The following ERP27 variants were observed in gnomAD, a reference collection of about 807,000 sequenced individuals.
ERP27 encodes the protein endoplasmic reticulum resident protein 27.
ERP27 carries 23 observed loss-of-function variants against 27.7 expected under a neutral mutation model. The ratio of observed to expected loss-of-function variants is 0.83; its 90% confidence interval spans 0.60 to 1.18. The LOEUF is 1.18. Ranked by LOEUF, ERP27 falls within the 50% of genes most tolerant of loss-of-function variation. The pLI is 0.00. For synonymous variants in ERP27, 159 were observed against 118.3 expected (o/e 1.34, Z -2.23); for missense variants, 363 against 327.9 (o/e 1.11, Z -0.83).
At chr12:14,923,821 T>C (rs1472894725) in intron 3 of ERP27, among the ~76,000 whole-genome samples, 2 of 152,222 alleles carry the variant, frequency 1.3e-5, no homozygotes. Flanking sequence ...GTATTTAGCA[T>C]ATCCGTTGCT....
chr12:14,915,581 G>C lies in ERP27; in HGVS notation c.682C>G (p.Leu228Val). The C allele has an allele frequency of 3.7e-6, 6 of 1,614,228 alleles. No homozygotes were observed. Among genetic ancestry groups the C allele is most frequent in the Non-Finnish European group, 5.1e-6 (6 of 1,180,032 alleles). The change falls in exon 6 of 7, where the codon CTA (leucine) becomes GTA (valine). Residue 228 changes from leucine (L) to valine (V), a missense_variant. Transcript: ENST00000266397. ...QLPALAIYQT[L>V]DDEWDTLPTA... Reference sequence around the variant, plus strand: ...GGCAGTGTATCCCACTCGTCATCTAGAGTCTGGTAAATTGCCAAAGCTGGC... The same window carrying C: ...GGCAGTGTATCCCACTCGTCATCTACAGTCTGGTAAATTGCCAAAGCTGGC...
chr12:14,930,834 G>C (rs1385627820), intron 3 of ERP27, among the ~76,000 whole-genome samples: 1 of 152,064 alleles, frequency 6.6e-6, no homozygotes, highest in Non-Finnish European at 1.5e-5. Flanking sequence ...TCTTAAAATG[G>C]AAAATTTTGT....
chr12:14,938,106 A>C, intron 1 of ERP27, 54 bp from the exon 2 acceptor site: 1 of 1,427,456 alleles, frequency 7.0e-7, no homozygotes, highest in Admixed American at 1.7e-5. Context: ...AAGCAGCTCT[A>C]AATAATGAGG....
At chr12:14,917,011 C>T (rs1863420318) in intron 5 of ERP27, among the ~76,000 whole-genome samples, 167 bp downstream of exon 5, 1 of 152,160 alleles carries the variant, frequency 6.6e-6, no homozygotes, top group African/African-American at 2.4e-5. Context: ...TGATAAAATA[C>T]AACATCTCTA....
chr12:14,925,899 C>T (rs1286457218), intron 3 of ERP27, among the ~76,000 whole-genome samples: 2 of 152,010 alleles, frequency 1.3e-5, no homozygotes, highest in African/African-American at 4.8e-5. Flanking sequence ...GAAAGCCCAT[C>T]TCTACTGAAA....
chr12:14,924,029 C>T (rs191791626), intron 3 of ERP27, among the ~76,000 whole-genome samples: 16 of 152,144 alleles, frequency 1.1e-4, no homozygotes, highest in Non-Finnish European at 1.0e-4. Flanking sequence ...TCCATCACCA[C>T]TTCCCCCTCC....
chr12:14,926,385 A>T (rs1319388645), intron 3 of ERP27, among the ~76,000 whole-genome samples: 2 of 152,184 alleles, frequency 1.3e-5, no homozygotes, highest in Non-Finnish European at 2.9e-5. Context: ...CATAGTTGCA[A>T]TTTTCAATCC....
At chr12:14,926,351 T>C (rs1863602644) in intron 3 of ERP27, among the ~76,000 whole-genome samples, 1 of 152,258 alleles carries the variant, frequency 6.6e-6, no homozygotes, top group Non-Finnish European at 1.5e-5. Context: ...TCCTGTGTTT[T>C]ACTTTTGTCA....
At chr12:14,923,804 A>C (rs1863552757) in intron 3 of ERP27, among the ~76,000 whole-genome samples, 1 of 152,184 alleles carries the variant, frequency 6.6e-6, no homozygotes, top group Admixed American at 6.5e-5. Flanking sequence ...TAAATAATCA[A>C]ATCATAGTAT....
At chr12:14,926,060 C>A (rs1375530469) in intron 3 of ERP27, among the ~76,000 whole-genome samples, 2 of 149,488 alleles carry the variant, frequency 1.3e-5, no homozygotes, top group East Asian at 3.9e-4. Context: ...CAGAGCAAGA[C>A]TCTGTCTCCA....
At chr12:14,937,883 G>GAACCA (rs1863794825) in intron 2 of ERP27, 69 bp downstream of exon 2, 2 of 1,292,890 alleles carry the variant, frequency 1.5e-6, no homozygotes, top group African/African-American at 2.9e-5. Flanking sequence ...CCAGCAGCAG[G>GAACCA]TGGCTGCTGT....
Position 14,914,647 on chromosome 12 carries a change from C to A in ERP27, c.*88G>T. ...GTGTGTGGTTGGCAGGCCTAGTGATCCTGTTGTTTAGTGTCTCTGAGATTT... is the reference window on the plus strand; with the variant it reads ...GTGTGTGGTTGGCAGGCCTAGTGATACTGTTGTTTAGTGTCTCTGAGATTT... On this transcript the variant is annotated 3_prime_UTR_variant, in exon 7 of 7. Transcript: ENST00000266397. The A allele has an allele frequency of 1.6e-6, 2 of 1,283,792 alleles. No homozygotes were observed. The highest frequency in any genetic ancestry group is 1.3e-5 in the South Asian group (1 of 77,546). The allele number at this position is 1,283,792 out of a possible 1,614,324, so 79.5% of individuals were successfully genotyped here. A position where few individuals can be genotyped will look rare whatever the true frequency, so the allele number is the denominator to read the frequency against.
chr12:14,938,345 C>A, intron 1 of ERP27, 70 bp downstream of exon 1: 2 of 1,479,158 alleles, frequency 1.4e-6, no homozygotes, highest in Admixed American at 1.7e-5. Context: ...CCCAGAGAAC[C>A]ACCATGCTCC....
chr12:14,925,377 T>C (rs184722331), intron 3 of ERP27, among the ~76,000 whole-genome samples: 16 of 152,262 alleles, frequency 1.1e-4, no homozygotes, highest in Non-Finnish European at 1.9e-4. Flanking sequence ...TAAAATCCTA[T>C]TATCTGGCCA....
chr12:14,917,769 C>G (rs1179165782), intron 4 of ERP27, among the ~76,000 whole-genome samples: 3 of 152,180 alleles, frequency 2.0e-5, no homozygotes, highest in Non-Finnish European at 4.4e-5. Flanking sequence ...TCCAGTTGAG[C>G]CTTCAGATGA....
intron 5 of ERP27, 88 bp from the exon 6 acceptor site, chr12:14,915,774 C>CTGA: frequency 8.6e-7 from 1 of 1,167,718 alleles, no homozygotes; most frequent in Non-Finnish European, 1.2e-6. Context: ...GCAGCTCACA[C>CTGA]TGATTGAATT....
At position 14,938,499 on chromosome 12, in the gene ERP27, C is replaced by T; in HGVS notation, c.10G>A (p.Ala4Thr). Residue 4 changes from alanine to threonine, a missense_variant, in exon 1 of 7, where the codon GCC (alanine) becomes ACC (threonine). Physicochemically the swap from Ala to Thr is moderately conservative, Grantham distance 58. Transcript: ENST00000266397. MEA[A>T]PSRFMFLLFL... ...AAGAGGAACATGAACCTGGACGGGG[C>T]AGCTTCCATTGTCCCTCTCCTGCTC... 6.2e-7 allele frequency: 1 copy of T among 1,611,422 alleles called. No homozygotes were observed. The highest frequency in any genetic ancestry group is 8.5e-7 in the Non-Finnish European group (1 of 1,178,786).
rs773624415 is a variant in ERP27 at position 14,917,313 on chromosome 12, C to A, written c.451-10G>T. The A allele has an allele frequency of 1.9e-6, 3 of 1,613,834 alleles. No homozygotes were observed. The highest frequency in any genetic ancestry group is 1.3e-5 in the African/African-American group (1 of 74,860). ...ATAACCCAATCACAGTCTGGCAAGT[C>A]GAAATGTGTTACAGTAGAGTGAAAG... On this transcript the variant is annotated splice_polypyrimidine_tract_variant and intron_variant, in intron 4 of 6. Coordinates refer to ENST00000266397, the MANE Select transcript of ERP27 (RefSeq NM_152321.4).
intron 3 of ERP27, among the ~76,000 whole-genome samples, chr12:14,930,622 G>T (rs1863683758): frequency 8.0e-6 from 1 of 124,656 alleles, no homozygotes; most frequent in African/African-American, 3.3e-5. Context: ...ACTGTTATAT[G>T]CAACTTATGG....
Sources: gnomAD v4.1 joint callset for allele counts (sites outside exome capture counted in the v4.1 genomes callset) on GRCh38, gnomAD v4.1.1 for gene constraint, MANE v1.5 for transcripts, NCBI Gene and HGNC (gene_info 2026-07-23, HGNC 2026-07-21) for gene names.